The following TBC1D19 variants were observed in gnomAD, a reference collection of about 807,000 sequenced individuals.
TBC1D19 encodes the protein TBC1 domain family member 19.
TBC1D19 carries 60 observed loss-of-function variants against 89.0 expected under a neutral mutation model. The observed-to-expected ratio is 0.67, with a 90% CI of 0.55 to 0.84. The LOEUF (loss-of-function observed/expected upper bound fraction) is 0.84. Among genes scored for constraint, TBC1D19 ranks in the 40% least tolerant of loss-of-function variants. The pLI is 0.00. For missense variants in TBC1D19, 500 were observed against 610.8 expected (o/e 0.82, Z 1.91); for synonymous variants, 189 against 199.7 (o/e 0.95, Z 0.45).
chr4:26,852,914 C>T, the TBC1D19 span, among the ~76,000 whole-genome samples: 1 of 152,202 alleles, frequency 6.6e-6, no homozygotes, highest in Non-Finnish European at 1.5e-5. Flanking sequence ...CCACTGCACC[C>T]GGCCGGATTC....
chr4:26,829,921 T>C, the TBC1D19 span, among the ~76,000 whole-genome samples: 1 of 152,126 alleles, frequency 6.6e-6, no homozygotes, highest in Non-Finnish European at 1.5e-5. Flanking sequence ...AAGACAGGGC[T>C]CTCCAGTGGG....
intron 1 of TBC1D19, among the ~76,000 whole-genome samples, chr4:26,589,233 C>G (rs1739616098): frequency 2.0e-5 from 3 of 152,104 alleles, no homozygotes; most frequent in African/African-American, 7.2e-5. Flanking sequence ...CAAGATCGTG[C>G]CACTGCCCTT....
chr4:26,636,652 A>G (rs1168780981), intron 4 of TBC1D19, among the ~76,000 whole-genome samples: 3 of 152,034 alleles, frequency 2.0e-5, no homozygotes, highest in African/African-American at 4.8e-5. Flanking sequence ...TTGAGTATAT[A>G]TGGACTAAGT....
intron 13 of TBC1D19, among the ~76,000 whole-genome samples, chr4:26,708,255 A>G (rs1368114346): frequency 1.3e-5 from 2 of 152,024 alleles, no homozygotes; most frequent in African/African-American, 2.4e-5. Context: ...TTCTTGATTA[A>G]TGGCTTTTTT....
intron 15 of TBC1D19, among the ~76,000 whole-genome samples, chr4:26,727,725 C>A (rs1717400591): frequency 6.6e-6 from 1 of 152,154 alleles, no homozygotes; most frequent in African/African-American, 2.4e-5. Flanking sequence ...GTCATTTGTT[C>A]TTTCAACATT....
chr4:26,821,664 C>T, the TBC1D19 span, among the ~76,000 whole-genome samples: 3 of 152,212 alleles, frequency 2.0e-5, no homozygotes, highest in African/African-American at 2.4e-5. Flanking sequence ...CACTTGCCTG[C>T]GAATGCAGGT....
At chr4:26,718,066 C>A in intron 14 of TBC1D19, 49 bp downstream of exon 14, 1 of 1,391,366 alleles carries the variant, frequency 7.2e-7, no homozygotes, top group Non-Finnish European at 1.0e-6. Context: ...CATAATCATG[C>A]CAAGAATATT....
intron 3 of TBC1D19, among the ~76,000 whole-genome samples, chr4:26,618,650 A>G (rs1292296527): frequency 6.6e-6 from 1 of 152,186 alleles, no homozygotes; most frequent in East Asian, 1.9e-4. Context: ...TCAGCAATAT[A>G]TTGGTTATCT....
At chr4:26,843,986 C>G in the TBC1D19 span, among the ~76,000 whole-genome samples, 1 of 152,190 alleles carries the variant, frequency 6.6e-6, no homozygotes, top group East Asian at 1.9e-4. Context: ...TCATGAGGGA[C>G]CCGGCCCCAC....
chr4:26,842,347 T>C, the TBC1D19 span, among the ~76,000 whole-genome samples: 2,368 of 126,616 alleles, frequency 0.019, 64 homozygotes, highest in African/African-American at 0.065. Context: ...TTTCTTTTTT[T>C]TTTTTTTTTT....
At chr4:26,752,197 A>G (rs1719003163) in intron 19 of TBC1D19, among the ~76,000 whole-genome samples, 1 of 151,926 alleles carries the variant, frequency 6.6e-6, no homozygotes, top group Non-Finnish European at 1.5e-5. Context: ...TTAGGTATGC[A>G]GTATACCTAG....
At chr4:26,589,996 A>G (rs1027563446) in intron 1 of TBC1D19, among the ~76,000 whole-genome samples, 3 of 152,364 alleles carry the variant, frequency 2.0e-5, no homozygotes, top group African/African-American at 7.2e-5. Flanking sequence ...GGAAAAGACT[A>G]TGCAAATGTG....
At chr4:26,850,371 A>G in the TBC1D19 span, among the ~76,000 whole-genome samples, 2 of 151,450 alleles carry the variant, frequency 1.3e-5, no homozygotes, top group Non-Finnish European at 2.9e-5. Context: ...AACATGGTGA[A>G]ACCTCATCTC....
chr4:26,595,149 A>G (rs968787328), intron 1 of TBC1D19, among the ~76,000 whole-genome samples: 2 of 152,124 alleles, frequency 1.3e-5, no homozygotes, highest in African/African-American at 4.8e-5. Flanking sequence ...GTGTGTTGTG[A>G]TATCTTATTA....
At chr4:26,646,561 C>G (rs1226152491) in intron 7 of TBC1D19, among the ~76,000 whole-genome samples, 1 of 152,144 alleles carries the variant, frequency 6.6e-6, no homozygotes, top group Non-Finnish European at 1.5e-5. Flanking sequence ...TGGAACCAAC[C>G]TAAATGTCCA....
the TBC1D19 span, among the ~76,000 whole-genome samples, chr4:26,851,319 A>ATCTATCTGTCTGTCTG: frequency 4.7e-5 from 7 of 147,386 alleles, no homozygotes; most frequent in East Asian, 2.0e-4. Context: ...CTATCTATCT[A>ATCTATCTGTCTGTCTG]TCTATCTATC....
the TBC1D19 span, among the ~76,000 whole-genome samples, chr4:26,815,646 A>T: frequency 3.3e-5 from 5 of 152,254 alleles, no homozygotes; most frequent in African/African-American, 7.2e-5. Context: ...GTTGTACAAA[A>T]TATGTACTAG....
the TBC1D19 span, among the ~76,000 whole-genome samples, chr4:26,827,712 G>GTTTTTTT: frequency 8.7e-6 from 1 of 114,516 alleles, no homozygotes; most frequent in Non-Finnish European, 1.9e-5. Flanking sequence ...TTTGTTTTTT[G>GTTTTTTT]TTTTGTTTTT....
intron 1 of TBC1D19, among the ~76,000 whole-genome samples, chr4:26,577,302 C>CGT (rs940827907): frequency 1.3e-5 from 2 of 148,988 alleles, no homozygotes; most frequent in Non-Finnish European, 3.0e-5. Context: ...TGTGTGTGTG[C>CGT]GTGTGTGTGT....
Sources: gnomAD v4.1 joint callset for allele counts (sites outside exome capture counted in the v4.1 genomes callset) on GRCh38, gnomAD v4.1.1 for gene constraint, MANE v1.5 for transcripts, NCBI Gene and HGNC (gene_info 2026-07-23, HGNC 2026-07-21) for gene names.